CNTNAP2: variants seen among roughly 807,000 people sequenced by gnomAD.
CNTNAP2 encodes the protein contactin associated protein 2.
A neutral mutation model predicts 155.2 loss-of-function variants in CNTNAP2; 98 were observed. The ratio of observed to expected loss-of-function variants is 0.63; its 90% CI spans 0.54 to 0.75. The LOEUF (loss-of-function observed/expected upper bound fraction) is 0.75. Among genes scored for constraint, CNTNAP2 ranks in the 30% least tolerant of loss-of-function variants. CNTNAP2 has a pLI of 0.00. For missense variants in CNTNAP2, 1,727 were observed against 1,688.1 expected (o/e 1.02, Z -0.40); for synonymous variants, 651 against 631.2 (o/e 1.03, Z -0.47).
chr7:146,697,260 C>T (rs1481775437), intron 1 of CNTNAP2, among the ~76,000 whole-genome samples: 20 of 150,372 alleles, frequency 1.3e-4, no homozygotes, highest in African/African-American at 4.4e-4. Context: ...TATTTTGAGA[C>T]AGGGTCTTGC....
chr7:146,459,763 G>T (rs1311058942), intron 1 of CNTNAP2, among the ~76,000 whole-genome samples: 1 of 152,282 alleles, frequency 6.6e-6, no homozygotes, highest in Non-Finnish European at 1.5e-5. Flanking sequence ...TTGAGGTCAG[G>T]AGTTCAAGAC....
Position 146,470,554 on chromosome 7 carries a change from C to T in CNTNAP2, c.98-303717C>T, listed in dbSNP as rs547526153. ...TGTGTTTCTTGCTATCCCTAACTGC[C>T]ATATTTTATTTTATTTTATTTTGTT... On this transcript the variant is annotated intron_variant, in intron 1 of 23. Coordinates refer to ENST00000361727, the MANE Select transcript of CNTNAP2 (RefSeq NM_014141.6). 3.9e-5 allele frequency among the ~76,000 whole-genome samples: 6 copies of T among 151,942 alleles called. No individual in the cohort carries two copies. In the South Asian group the frequency reaches 1.2e-3, roughly 32 times the overall value.
intron 10 of CNTNAP2, among the ~76,000 whole-genome samples, chr7:147,460,971 A>G (rs1423783432): frequency 6.6e-6 from 1 of 152,150 alleles, no homozygotes; most frequent in Admixed American, 6.5e-5. Flanking sequence ...TTTTTGGTGG[A>G]GAAGAAGTTG....
intron 3 of CNTNAP2, among the ~76,000 whole-genome samples, chr7:146,871,912 A>G (rs1180388996): frequency 6.6e-6 from 1 of 152,098 alleles, no homozygotes; most frequent in Non-Finnish European, 1.5e-5. Flanking sequence ...AACTTGATAC[A>G]TCACATATTG....
At chr7:146,349,805 C>T (rs1284218437) in intron 1 of CNTNAP2, among the ~76,000 whole-genome samples, 1 of 152,158 alleles carries the variant, frequency 6.6e-6, no homozygotes, top group East Asian at 1.9e-4. Flanking sequence ...CCCCCACTCT[C>T]TTCTGGCTTG....
At position 147,611,626 on chromosome 7, in the gene CNTNAP2, C is replaced by T. The variant is rs115693110; in HGVS notation, c.1898-27480C>T. The stretch of plus-strand genomic sequence containing the variant: ...TGTTCACAGTGCTTCATCTGTCATC[C>T]ATCTTTGGGCTGTAATTGTGAGCTT... On this transcript the variant is annotated intron_variant, in intron 12 of 23. Transcript: ENST00000361727. Among the ~76,000 whole-genome samples, 894 of 152,262 alleles carry T rather than the reference C, an allele frequency of 5.9e-3. 17 individuals carry two copies. Among genetic ancestry groups the T allele is most frequent in the African/African-American group, 0.021 (858 of 41,572 alleles).
intron 12 of CNTNAP2, among the ~76,000 whole-genome samples, chr7:147,562,572 T>C (rs546457385): frequency 6.6e-6 from 1 of 152,228 alleles, no homozygotes; most frequent in South Asian, 2.1e-4. Context: ...TAACCTAGAT[T>C]AGGGAAATTT....
chr7:147,867,067 G>A (rs988738955), intron 13 of CNTNAP2, among the ~76,000 whole-genome samples: 4 of 152,180 alleles, frequency 2.6e-5, no homozygotes, highest in Non-Finnish European at 4.4e-5. Flanking sequence ...CACTTGGCAT[G>A]TTTTTGTAGT....
chr7:147,330,663 A>G (rs1314654988), intron 9 of CNTNAP2, among the ~76,000 whole-genome samples: 2 of 152,158 alleles, frequency 1.3e-5, no homozygotes, highest in African/African-American at 2.4e-5. Flanking sequence ...CAAACTTATA[A>G]CATCCTTCTT....
intron 1 of CNTNAP2, among the ~76,000 whole-genome samples, chr7:146,442,473 T>C (rs1166076079): frequency 1.3e-5 from 2 of 152,110 alleles, no homozygotes; most frequent in Non-Finnish European, 2.9e-5. Flanking sequence ...TGTGTGTATG[T>C]GTGAGTGTGT....
chr7:146,878,505 A>T (rs947952158), intron 3 of CNTNAP2, among the ~76,000 whole-genome samples: 1 of 151,952 alleles, frequency 6.6e-6, no homozygotes, highest in Non-Finnish European at 1.5e-5. Flanking sequence ...AGATGACCTA[A>T]GGTAGGAGTT....
At chr7:148,046,462 ATAC>A (rs1563179675) in intron 15 of CNTNAP2, among the ~76,000 whole-genome samples, 1 of 152,116 alleles carries the variant, frequency 6.6e-6, no homozygotes. Flanking sequence ...GTAATTTTTT[ATAC>A]TATTCTAATT....
In CNTNAP2 at chr7:147,822,714, T is replaced by C. The variant is rs566298610; in HGVS notation, c.2099-80851T>C. 3.9e-5 allele frequency among the ~76,000 whole-genome samples: 6 copies of C among 152,288 alleles called. No homozygotes were observed. The South Asian group carries it at 1.2e-3, about 32-fold the overall frequency. On this transcript the variant is annotated intron_variant, in intron 13 of 23. Coordinates refer to ENST00000361727, the MANE Select transcript of CNTNAP2 (RefSeq NM_014141.6). ...CCCTGATCATTCATACTGCCACTAA[T>C]AGGATGCCAAGTGGATGTTTCAAAG... is the stretch of plus-strand genomic sequence containing the variant.
intron 1 of CNTNAP2, among the ~76,000 whole-genome samples, chr7:146,607,119 T>C (rs1799061249): frequency 6.6e-6 from 1 of 152,162 alleles, no homozygotes; most frequent in African/African-American, 2.4e-5. Context: ...ACATTATTAT[T>C]AGATTAGTAC....
intron 10 of CNTNAP2, among the ~76,000 whole-genome samples, chr7:147,418,908 T>C (rs1797243111): frequency 6.6e-6 from 1 of 152,138 alleles, no homozygotes; most frequent in African/African-American, 2.4e-5. Context: ...GGGAACAAAG[T>C]CTAAAGAAAC....
chr7:147,414,624 T>C lies in CNTNAP2; in HGVS notation c.1670+18844T>C, dbSNP rs1490060055. ...TGAATAAACAAACTAAAAAGACAGA[T>C]GCAATAAAATTCAAATGAATTTAAG... On this transcript the variant is annotated intron_variant, in intron 10 of 23. Transcript: ENST00000361727. Among the ~76,000 whole-genome samples the C allele has an allele frequency of 3.9e-5, 6 of 152,008 alleles. No individual in the cohort carries two copies. The South Asian group carries it at 1.0e-3, about 26-fold the overall frequency.
At chr7:146,522,950 A>C (rs951013977) in intron 1 of CNTNAP2, among the ~76,000 whole-genome samples, 1 of 151,874 alleles carries the variant, frequency 6.6e-6, no homozygotes, top group Non-Finnish European at 1.5e-5. Context: ...AAGAAATCAT[A>C]ATAGAATGAT....
At chr7:146,699,996 AG>A (rs1178289189) in intron 1 of CNTNAP2, among the ~76,000 whole-genome samples, 2 of 152,142 alleles carry the variant, frequency 1.3e-5, no homozygotes, top group South Asian at 4.1e-4. Flanking sequence ...GGAAATATTC[AG>A]GGGGTATTTC....
intron 8 of CNTNAP2, among the ~76,000 whole-genome samples, chr7:147,205,274 A>G (rs567872893): frequency 6.6e-6 from 1 of 152,032 alleles, no homozygotes; most frequent in African/African-American, 2.4e-5. Flanking sequence ...AGTGTGCATT[A>G]TACCACTCTA....
Sources: allele counts gnomAD v4.1 joint callset (sites outside exome capture counted in the v4.1 genomes callset), GRCh38; gene constraint gnomAD v4.1.1; transcripts MANE v1.5; gene names NCBI Gene and HGNC (gene_info 2026-07-23, HGNC 2026-07-21).